Variants in SNTG1 observed in about 807,000 individuals in gnomAD.
SNTG1 encodes the protein gamma-1-syntrophin.
SNTG1 carries 39 observed loss-of-function variants against 74.7 expected under a neutral mutation model. The observed-to-expected ratio is 0.52, with a 90% CI of 0.40 to 0.68. The LOEUF (loss-of-function observed/expected upper bound fraction) is 0.68. Among genes scored for constraint, SNTG1 ranks in the 30% least tolerant of loss-of-function variants. The probability of loss-of-function intolerance (pLI) is 0.00; values close to 1 mark genes in which losing one functional copy is unlikely to be tolerated. For synonymous variants in SNTG1, 254 were observed against 217.1 expected (o/e 1.17, Z -1.49); for missense variants, 685 against 609.5 (o/e 1.12, Z -1.30).
intron 12 of SNTG1, among the ~76,000 whole-genome samples, chr8:50,567,179 A>C (rs995497127): frequency 6.6e-6 from 1 of 152,102 alleles, no homozygotes; most frequent in Non-Finnish European, 1.5e-5. Context: ...ATCTTTGCCA[A>C]GTGATACATC....
chr8:50,237,952 C>T lies in SNTG1; in HGVS notation c.-28+65317C>T, dbSNP rs1037589982. ...ACAGTCTTCGTTTCTTTGCCTATTA[C>T]TAGAATGATACAACTTTTTGTTTTT... On this transcript the variant is annotated intron_variant, in intron 2 of 18. Transcript: ENST00000642720. 2.5e-4 allele frequency among the ~76,000 whole-genome samples: 38 copies of T among 152,100 alleles called. 1 individual carries two copies. The highest frequency in any genetic ancestry group is 9.2e-4 in the African/African-American group (38 of 41,422).
intron 2 of SNTG1, among the ~76,000 whole-genome samples, chr8:50,346,051 T>A (rs2091465875): frequency 6.6e-6 from 1 of 152,220 alleles, no homozygotes; most frequent in Non-Finnish European, 1.5e-5. Context: ...TCTGGCAGGA[T>A]GACGGGCCAT....
intron 2 of SNTG1, among the ~76,000 whole-genome samples, chr8:50,248,550 C>T (rs960365890): frequency 2.0e-5 from 3 of 152,132 alleles, no homozygotes; most frequent in African/African-American, 7.2e-5. Flanking sequence ...CTTTTTCTAA[C>T]ACCTACTTCA....
chr8:50,447,250 T>C (rs2093415864), intron 5 of SNTG1, among the ~76,000 whole-genome samples: 1 of 152,162 alleles, frequency 6.6e-6, no homozygotes, highest in Admixed American at 6.5e-5. Flanking sequence ...TTTGCATTAA[T>C]AGTCTATGCA....
chr8:50,535,750 G>A (rs1300321536), intron 10 of SNTG1, among the ~76,000 whole-genome samples: 2 of 152,154 alleles, frequency 1.3e-5, no homozygotes, highest in African/African-American at 4.8e-5. Context: ...ATGCCTGAGA[G>A]TAATGCTTAA....
At chr8:50,743,427 A>G (rs1418024192) in intron 17 of SNTG1, among the ~76,000 whole-genome samples, 2 of 151,996 alleles carry the variant, frequency 1.3e-5, no homozygotes, top group Non-Finnish European at 2.9e-5. Context: ...CTCAATTAAT[A>G]CAGAAAAATA....
At chr8:50,130,849 T>C (rs1312818730) in intron 1 of SNTG1, among the ~76,000 whole-genome samples, 1 of 152,068 alleles carries the variant, frequency 6.6e-6, no homozygotes, top group Non-Finnish European at 1.5e-5. Context: ...GAGCTCCACA[T>C]TATTGGACAA....
chr8:50,398,490 TTCC>T (rs2092757584), intron 3 of SNTG1, among the ~76,000 whole-genome samples: 1 of 152,208 alleles, frequency 6.6e-6, no homozygotes, highest in Admixed American at 6.5e-5. Flanking sequence ...TAATGATTGT[TTCC>T]TCAATTAATT....
At chr8:50,479,876 A>C (rs1355214068) in intron 8 of SNTG1, among the ~76,000 whole-genome samples, 1 of 152,202 alleles carries the variant, frequency 6.6e-6, no homozygotes, top group Non-Finnish European at 1.5e-5. Context: ...AAGGTTTGTC[A>C]ATATTTCAAG....
At chr8:50,652,042 A>G (rs2095150349) in intron 13 of SNTG1, among the ~76,000 whole-genome samples, 1 of 152,108 alleles carries the variant, frequency 6.6e-6, no homozygotes, top group African/African-American at 2.4e-5. Context: ...GAGCCACCAC[A>G]ACCGGCCTTA....
intron 5 of SNTG1, among the ~76,000 whole-genome samples, chr8:50,444,979 A>G (rs1328762799): frequency 6.6e-6 from 1 of 152,192 alleles, no homozygotes; most frequent in Non-Finnish European, 1.5e-5. Context: ...GATCTTTGCA[A>G]GTATCACGGC....
Position 50,624,250 on chromosome 8 carries a change from C to A in SNTG1, c.850-32659C>A, listed in dbSNP as rs143065099. Among the ~76,000 whole-genome samples, 1,481 of 151,946 alleles carry A rather than the reference C, an allele frequency of 9.7e-3. 19 individuals carry two copies. The highest frequency in any genetic ancestry group is 0.013 in the Non-Finnish European group (896 of 67,926). ...CACTACTGACATTTAATTCTAATGCCTCTCACTAGAATTCATGCATTTACT... is the reference window on the plus strand; with the variant it reads ...CACTACTGACATTTAATTCTAATGCATCTCACTAGAATTCATGCATTTACT... On this transcript the variant is annotated intron_variant, in intron 13 of 18. Coordinates refer to ENST00000642720, the MANE Select transcript of SNTG1 (RefSeq NM_018967.5).
rs527987185 is a variant in SNTG1 at position 50,418,823 on chromosome 8, A to T, written c.162+16479A>T. ...CATCTTTCCAGCTGCATTAGGCAGA[A>T]TCCCTGGAATCTCTCATTACTCTAC... On this transcript the variant is annotated intron_variant, in intron 4 of 18. Coordinates refer to ENST00000642720, the MANE Select transcript of SNTG1 (RefSeq NM_018967.5). Among the ~76,000 whole-genome samples, 4 of 152,178 alleles carry T rather than the reference A, an allele frequency of 2.6e-5. No individual in the cohort carries two copies. In the South Asian group the frequency reaches 8.3e-4, roughly 32 times the overall value.
chr8:50,694,419 G>A (rs1195967882), intron 15 of SNTG1, among the ~76,000 whole-genome samples: 1 of 152,078 alleles, frequency 6.6e-6, no homozygotes, highest in African/African-American at 2.4e-5. Context: ...GAACAATAAT[G>A]AGTGAGGAGA....
chr8:50,522,877 T>A (rs562801294), intron 9 of SNTG1, among the ~76,000 whole-genome samples: 1 of 152,262 alleles, frequency 6.6e-6, no homozygotes, highest in East Asian at 1.9e-4. Flanking sequence ...GTACCTGGCT[T>A]GACTTCCTTT....
chr8:49,946,889 G>A (rs1466818353), intron 1 of SNTG1, among the ~76,000 whole-genome samples: 2 of 151,976 alleles, frequency 1.3e-5, no homozygotes, highest in Non-Finnish European at 2.9e-5. Flanking sequence ...TAAAATTAAT[G>A]TCCCCAAATA....
chr8:50,303,585 T>A (rs2089748297), intron 2 of SNTG1, among the ~76,000 whole-genome samples: 1 of 152,040 alleles, frequency 6.6e-6, no homozygotes. Flanking sequence ...CTTCTAGAAA[T>A]AAGAAATATG....
chr8:49,962,026 C>T (rs1297413340), intron 1 of SNTG1, among the ~76,000 whole-genome samples: 1 of 152,192 alleles, frequency 6.6e-6, no homozygotes, highest in African/African-American at 2.4e-5. Flanking sequence ...TCTCCAGCTT[C>T]CCCTCTGCTC....
At chr8:50,246,877 T>G (rs1403472748) in intron 2 of SNTG1, among the ~76,000 whole-genome samples, 1 of 152,200 alleles carries the variant, frequency 6.6e-6, no homozygotes, top group Non-Finnish European at 1.5e-5. Flanking sequence ...ATTGCTTCAA[T>G]TGTGCTTTGT....
Sources: gnomAD v4.1 joint callset for allele counts (sites outside exome capture counted in the v4.1 genomes callset) on GRCh38, gnomAD v4.1.1 for gene constraint, MANE v1.5 for transcripts, NCBI Gene and HGNC (gene_info 2026-07-23, HGNC 2026-07-21) for gene names.